Variants in SNRNP35 observed in about 807,000 individuals in gnomAD.
SNRNP35 encodes U11/U12 small nuclear ribonucleoprotein 35 kDa protein.
SNRNP35 carries 16 observed loss-of-function variants against 24.3 expected under a neutral mutation model. The observed-to-expected ratio is 0.66, with a 90% CI of 0.45 to 1.00. The LOEUF (loss-of-function observed/expected upper bound fraction) is 1.00. SNRNP35 is among the 50% of genes least tolerant of loss of function. The probability of loss-of-function intolerance (pLI) is 0.00; values close to 1 mark genes in which losing one functional copy is unlikely to be tolerated. For synonymous variants in SNRNP35, 106 were observed against 124.8 expected, an observed-to-expected ratio of 0.85 and a Z score of 1.00; for missense variants, 292 against 327.2, an observed-to-expected ratio of 0.89 and a Z score of 0.83.
intron 1 of SNRNP35, among the ~76,000 whole-genome samples, chr12:123,463,388 CTTTTTTT>C (rs1880740566): frequency 6.7e-6 from 1 of 148,304 alleles, no homozygotes; most frequent in African/African-American, 2.5e-5. Flanking sequence ...TTTCTTCTTT[CTTTTTTT>C]GAGACAGACT....
intron 1 of SNRNP35, among the ~76,000 whole-genome samples, chr12:123,460,945 C>T (rs1045743570): frequency 6.8e-6 from 1 of 147,434 alleles, no homozygotes; most frequent in African/African-American, 2.5e-5. Flanking sequence ...GCGTGAGCTA[C>T]TGCGCCTGGC....
intron 1 of SNRNP35, among the ~76,000 whole-genome samples, chr12:123,460,994 C>T (rs1880588197): frequency 8.2e-6 from 1 of 122,040 alleles, no homozygotes; most frequent in East Asian, 2.5e-4. Flanking sequence ...AAAACAGAGA[C>T]AGGGTCTCAC....
At chr12:123,468,864 G>C (rs1333202030), downstream of SNRNP35, among the ~76,000 whole-genome samples, 1 of 152,186 alleles carries the variant, frequency 6.6e-6, no homozygotes, top group East Asian at 1.9e-4. Context: ...TAGCAATTCT[G>C]CTTCTAGTTT....
chr12:123,467,685 A>G (rs1881030040), downstream of SNRNP35, among the ~76,000 whole-genome samples: 1 of 152,240 alleles, frequency 6.6e-6, no homozygotes, highest in South Asian at 2.1e-4. Context: ...GTTTTCGCAT[A>G]GGAGTATGAA....
downstream of SNRNP35, among the ~76,000 whole-genome samples, chr12:123,469,194 G>A (rs1228578697): frequency 2.0e-5 from 3 of 151,434 alleles, no homozygotes; most frequent in Admixed American, 6.6e-5. Context: ...TCGCTCTGTC[G>A]CCCAGGCTGG....
At chr12:123,462,358 G>A (rs1880678935) in intron 1 of SNRNP35, among the ~76,000 whole-genome samples, 2 of 152,130 alleles carry the variant, frequency 1.3e-5, no homozygotes, top group Admixed American at 1.3e-4. Context: ...ACATGGGGCT[G>A]GAGAATTAGG....
rs1362319451 is a variant in SNRNP35 at position 123,465,707 on chromosome 12, C to T, written c.167C>T (p.Ala56Val). Residue 56 changes from alanine (A) to valine (V), a missense_variant, in exon 2 of 2, where the codon GCC (alanine) becomes GTC (valine). Coordinates refer to ENST00000526639, the MANE Select transcript of SNRNP35 (RefSeq NM_022717.4). This position sits in a 1 kb window ranked among gnomAD's most constrained non-coding sequence, Gnocchi z 4.2. Reference protein sequence around the residue: ...IGDPLLTLFVARLNLQTKEDK... With the variant: ...IGDPLLTLFVVRLNLQTKEDK... ...GATCCCCTCCTCACCCTGTTTGTGG[C>T]CAGACTAAACTTGCAGACCAAGGAG... 4 of 1,613,530 alleles carry T rather than the reference C, an allele frequency of 2.5e-6. No homozygotes were observed. Among genetic ancestry groups the T allele is most frequent in the African/African-American group, 2.7e-5 (2 of 74,892 alleles).
In SNRNP35 at chr12:123,465,203, C is replaced by T. The variant is rs371219634; in HGVS notation, c.-3-335C>T. Among the ~76,000 whole-genome samples the T allele has an allele frequency of 9.8e-5, 15 of 152,344 alleles. No homozygotes were observed. The highest frequency in any genetic ancestry group is 9.6e-4 in the East Asian group (5 of 5,190). On this transcript the variant is annotated intron_variant, in intron 1 of 1. Coordinates refer to ENST00000526639, the MANE Select transcript of SNRNP35 (RefSeq NM_022717.4). This position sits in a 1 kb window ranked among gnomAD's most constrained non-coding sequence, Gnocchi z 4.2. ...GAAAGAGAAGTCTGGTTTTGATCCACGTTGCCACATTGTAATGTGTTCATA... is the reference window on the plus strand; with the variant it reads ...GAAAGAGAAGTCTGGTTTTGATCCATGTTGCCACATTGTAATGTGTTCATA...
intron 1 of SNRNP35, chr12:123,459,772 G>C: frequency 1.4e-6 from 2 of 1,437,172 alleles, no homozygotes; most frequent in South Asian, 2.5e-5. Flanking sequence ...GGGTGACAGA[G>C]TGAGACTTTG....
At chr12:123,467,086 C>T (rs1881014957), downstream of SNRNP35, 1 of 152,224 alleles carries the variant, frequency 6.6e-6, no homozygotes, top group Non-Finnish European at 1.5e-5. Context: ...AGGAAGAACA[C>T]TAATCTGGTC....
chr12:123,458,318 G>T (rs1880390774), intron 1 of SNRNP35, 102 bp downstream of exon 1: 1 of 771,990 alleles, frequency 1.3e-6, no homozygotes, highest in Non-Finnish European at 1.6e-6. Context: ...GCGCCATGTT[G>T]AAACCTGGCA....
rs149868405 is a variant in SNRNP35 at position 123,466,602 on chromosome 12, G to C, written c.*321G>C. 424 of 183,572 alleles carry C rather than the reference G, an allele frequency of 2.3e-3. No homozygotes were observed. The highest frequency in any genetic ancestry group is 9.7e-3 in the African/African-American group (409 of 42,084). 11.4% of individuals were successfully genotyped at this position (183,572 alleles called of 1,614,324 possible). A position where few individuals can be genotyped will look rare whatever the true frequency, so the allele number is the denominator to read the frequency against. On this transcript the variant is annotated 3_prime_UTR_variant, in exon 2 of 2. Coordinates refer to ENST00000526639, the MANE Select transcript of SNRNP35 (RefSeq NM_022717.4). ...CTCACTCTGTTGCCAGGGCTGGAGT[G>C]CAGTGGTAAAATCTTGGCTCACTGT... is the stretch of plus-strand genomic sequence containing the variant.
rs1411848625 is a variant in SNRNP35, at chr12:123,458,196, G to A, written c.-24G>A. 8 of 985,400 alleles carry A rather than the reference G, an allele frequency of 8.1e-6. No homozygotes were observed. Among genetic ancestry groups the A allele is most frequent in the South Asian group, 4.7e-5 (1 of 21,296 alleles). 61.0% of individuals were successfully genotyped at this position (985,400 alleles called of 1,614,324 possible). On this transcript the variant is annotated 5_prime_UTR_variant, in exon 1 of 2. Transcript: ENST00000526639. ...AGCTGCTCGCCTGTCTCCGTCGGAA[G>A]GGAGCCCAAGCTTTGCAGAGGTGAG...
chr12:123,458,721 G>A (rs1032897573), intron 1 of SNRNP35, among the ~76,000 whole-genome samples: 1 of 149,080 alleles, frequency 6.7e-6, no homozygotes, highest in African/African-American at 2.5e-5. Context: ...TCAGCTTCCC[G>A]AGTAGCTGAG....
rs1566102074 is a variant in SNRNP35 at position 123,459,813 on chromosome 12, G to A, written c.-4+1597G>A. ...AGTAAAAAAAGAGAATGTAAAAATC[G>A]AAAGAGATTGTTGTAGGAAATCTCA... On this transcript the variant is annotated intron_variant, in intron 1 of 1. Coordinates refer to ENST00000526639, the MANE Select transcript of SNRNP35 (RefSeq NM_022717.4). The A allele has an allele frequency of 2.6e-6, 4 of 1,557,618 alleles. No individual in the cohort carries two copies. In the Admixed American group the frequency reaches 5.9e-5, roughly 23 times the overall value.
chr12:123,462,647 G>C (rs946505541), intron 1 of SNRNP35, among the ~76,000 whole-genome samples: 3 of 151,762 alleles, frequency 2.0e-5, no homozygotes, highest in African/African-American at 4.8e-5. Context: ...GCACCACCTT[G>C]CCCAGCTAAT....
intron 1 of SNRNP35, among the ~76,000 whole-genome samples, chr12:123,464,018 C>G (rs1880797152): frequency 6.6e-6 from 1 of 150,622 alleles, no homozygotes; most frequent in Admixed American, 6.7e-5. Flanking sequence ...ACCGCAACCT[C>G]CACCAACCTA....
chr12:123,463,190 A>G (rs551380716), intron 1 of SNRNP35, among the ~76,000 whole-genome samples: 131 of 152,054 alleles, frequency 8.6e-4, no homozygotes, highest in African/African-American at 3.0e-3. Flanking sequence ...CCCCCCTAGT[A>G]GCTGGGACTA....
Position 123,466,135 on chromosome 12 carries a change from A to G in SNRNP35, c.595A>G (p.Arg199Gly), listed in dbSNP as rs1228877464. 2.5e-6 allele frequency: 4 copies of G among 1,611,762 alleles called. No homozygotes were observed. Among genetic ancestry groups the G allele is most frequent in the Non-Finnish European group, 3.4e-6 (4 of 1,179,120 alleles). Residue 199 changes from arginine (R) to glycine (G), a missense_variant, in exon 2 of 2, where the codon AGG (arginine) becomes GGG (glycine). Coordinates refer to ENST00000526639, the MANE Select transcript of SNRNP35 (RefSeq NM_022717.4). ...SRERHWDSRTRDRDHDRGREK... is the reference protein window; with the variant it reads ...SRERHWDSRTGDRDHDRGREK... ...AGAAAGACACTGGGACTCGAGGACA[A>G]GGGATCGAGACCATGACAGGGGCCG...
Sources: gnomAD v4.1 joint callset for allele counts (sites outside exome capture counted in the v4.1 genomes callset) on GRCh38, gnomAD v4.1.1 for gene constraint, Gnocchi (gnomAD v3.1) non-coding constraint, MANE v1.5 for transcripts, NCBI Gene and HGNC (gene_info 2026-07-23, HGNC 2026-07-21) for gene names.